GRIK3: variants seen among roughly 807,000 people sequenced by gnomAD.
The protein encoded by GRIK3 is glutamate ionotropic receptor kainate type subunit 3.
In GRIK3, 29 loss-of-function variants were observed where a neutral mutation model predicts 102.5. That is an observed-to-expected ratio of 0.28 (90% confidence interval 0.21 to 0.39). GRIK3 has a LOEUF of 0.39. Among genes scored for constraint, GRIK3 ranks in the 10% least tolerant of loss-of-function variants. The probability of loss-of-function intolerance (pLI) is 1.00; values close to 1 mark genes in which losing one functional copy is unlikely to be tolerated. For synonymous variants in GRIK3, 511 were observed against 504.9 expected, an observed-to-expected ratio of 1.01 and a Z score of -0.16; for missense variants, 908 against 1,252.4, an observed-to-expected ratio of 0.73 and a Z score of 4.15.
At position 36,912,172 on chromosome 1, in the gene GRIK3, C is replaced by T. The variant is rs114393157; in HGVS notation, c.116-21076G>A. On this transcript the variant is annotated intron_variant, in intron 1 of 15. Transcript: ENST00000373091. Reference sequence around the variant, plus strand: ...CTGGGTCACGCTTTTCTCTTCTGAGCCTTGTGCAACAGACATGATCCTCGT... The same window carrying T: ...CTGGGTCACGCTTTTCTCTTCTGAGTCTTGTGCAACAGACATGATCCTCGT... Among the ~76,000 whole-genome samples the T allele has an allele frequency of 2.8e-3, 426 of 152,212 alleles. 2 individuals carry two copies. Among genetic ancestry groups the T allele is most frequent in the African/African-American group, 9.3e-3 (386 of 41,514 alleles).
intron 1 of GRIK3, among the ~76,000 whole-genome samples, chr1:36,963,369 G>A (rs113776492): frequency 1.1e-4 from 16 of 152,164 alleles, no homozygotes; most frequent in East Asian, 1.9e-4. Flanking sequence ...CAGGCAGAAC[G>A]TGAGAGTCAC....
chr1:36,834,587 T>C (rs749368691), intron 10 of GRIK3, among the ~76,000 whole-genome samples: 1 of 152,168 alleles, frequency 6.6e-6, no homozygotes, highest in Non-Finnish European at 1.5e-5. Flanking sequence ...AGGATGGGTG[T>C]GCCTCTCCCA....
At chr1:36,831,695 G>A (rs547402992) in intron 10 of GRIK3, among the ~76,000 whole-genome samples, 6 of 152,324 alleles carry the variant, frequency 3.9e-5, no homozygotes, top group African/African-American at 1.4e-4. Context: ...TATGGCAACT[G>A]CGGGCCACAC....
At chr1:36,844,344 A>G (rs982286849) in intron 9 of GRIK3, among the ~76,000 whole-genome samples, 1 of 152,246 alleles carries the variant, frequency 6.6e-6, no homozygotes, top group African/African-American at 2.4e-5. Flanking sequence ...AGGTTGGAGA[A>G]GAGTCCACGT....
chr1:36,880,602 T>A lies in GRIK3; in HGVS notation c.550+32A>T. 6.2e-7 allele frequency: 1 copy of A among 1,608,212 alleles called. No individual in the cohort carries two copies. Among genetic ancestry groups the A allele is most frequent in the Non-Finnish European group, 8.5e-7 (1 of 1,175,230 alleles). ...CTGGGCCTCTGCCCCCCTCAACCGTTGCCCCCAGCCTAGCCAGGCCTGGCC... is the reference window on the plus strand; with the variant it reads ...CTGGGCCTCTGCCCCCCTCAACCGTAGCCCCCAGCCTAGCCAGGCCTGGCC... On this transcript the variant is annotated intron_variant, in intron 3 of 15. Transcript: ENST00000373091. This position sits in a 1 kb window ranked among gnomAD's most constrained non-coding sequence, Gnocchi z 5.4.
chr1:36,922,569 C>T (rs1329239948), intron 1 of GRIK3, among the ~76,000 whole-genome samples: 1 of 152,206 alleles, frequency 6.6e-6, no homozygotes, highest in Non-Finnish European at 1.5e-5. Flanking sequence ...CCAAGGTGAT[C>T]CAGATGTTTA....
intron 1 of GRIK3, among the ~76,000 whole-genome samples, chr1:36,955,264 C>T (rs933120694): frequency 6.6e-6 from 1 of 152,224 alleles, no homozygotes; most frequent in Non-Finnish European, 1.5e-5. Flanking sequence ...ATCAACCCTG[C>T]CAGCAGGACA....
chr1:36,823,212 G>A (rs1295585844), intron 11 of GRIK3, among the ~76,000 whole-genome samples: 1 of 152,126 alleles, frequency 6.6e-6, no homozygotes, highest in African/African-American at 2.4e-5. Flanking sequence ...GATGGCTCAC[G>A]CCTGTAATCC....
At chr1:37,017,826 G>T (rs1401772484) in intron 1 of GRIK3, among the ~76,000 whole-genome samples, 1 of 152,188 alleles carries the variant, frequency 6.6e-6, no homozygotes, top group Non-Finnish European at 1.5e-5. Context: ...GGAATTTAGA[G>T]TCTGCTCCTG....
chr1:36,903,580 A>T (rs1051808818), intron 1 of GRIK3, among the ~76,000 whole-genome samples: 3 of 152,256 alleles, frequency 2.0e-5, no homozygotes, highest in Non-Finnish European at 2.9e-5. Flanking sequence ...ATCCTTCAGT[A>T]GATGAGTGGA....
chr1:36,928,647 T>G (rs1263206602), intron 1 of GRIK3, among the ~76,000 whole-genome samples: 1 of 152,256 alleles, frequency 6.6e-6, no homozygotes, highest in Non-Finnish European at 1.5e-5. Context: ...TGGCCACACC[T>G]TGCCTTGCAA....
Position 36,819,764 on chromosome 1 carries a change from C to T in GRIK3, c.1845G>A (p.Trp615Ter). 1 of 1,600,614 alleles carries T rather than the reference C, an allele frequency of 6.2e-7. No homozygotes were observed. Residue 615 changes from tryptophan (W) to a stop codon, truncating the protein, a stop_gained, in exon 12 of 16, where the codon TGG becomes TGA. Transcript: ENST00000373091. LOFTEE classifies it high-confidence loss of function. The surrounding 1 kb of genome is among the most constrained non-coding windows in gnomAD (Gnocchi z 4.1). ...GCTGCATCAGGGATCCCATTCCAAA[C>T]CAGAAGCTGTTAAGCAGAGTGAAGT... ...ENNFTLLNSF[W>*]FGMGSLMQQG...
At chr1:36,882,130 T>C (rs902037516) in intron 2 of GRIK3, among the ~76,000 whole-genome samples, 27 of 152,120 alleles carry the variant, frequency 1.8e-4, no homozygotes, top group African/African-American at 6.5e-4. Flanking sequence ...CTGGAAGTCT[T>C]GTCCATTGGT....
intron 1 of GRIK3, among the ~76,000 whole-genome samples, chr1:36,920,459 A>G (rs966687942): frequency 5.3e-5 from 8 of 151,904 alleles, no homozygotes; most frequent in African/African-American, 1.9e-4. Context: ...CTGATCCAGA[A>G]TTTACCATCC....
At chr1:37,009,761 G>A (rs1276315253) in intron 1 of GRIK3, among the ~76,000 whole-genome samples, 1 of 152,178 alleles carries the variant, frequency 6.6e-6, no homozygotes. Flanking sequence ...ATAGCTAATG[G>A]TATGCAAATG....
intron 10 of GRIK3, among the ~76,000 whole-genome samples, chr1:36,828,994 C>T (rs976880302): frequency 1.3e-5 from 2 of 152,130 alleles, no homozygotes; most frequent in African/African-American, 4.8e-5. Context: ...TTAATGGGGT[C>T]AGGAGACCAA....
At chr1:36,983,927 C>T (rs773956045) in intron 1 of GRIK3, among the ~76,000 whole-genome samples, 20 of 152,148 alleles carry the variant, frequency 1.3e-4, no homozygotes, top group Non-Finnish European at 2.5e-4. Context: ...CCCACTGCTG[C>T]CCACCCATGG....
intron 1 of GRIK3, among the ~76,000 whole-genome samples, chr1:36,967,321 G>T (rs981617362): frequency 1.1e-4 from 16 of 152,246 alleles, no homozygotes; most frequent in African/African-American, 3.4e-4. Flanking sequence ...TCTCTGAAGT[G>T]CTTCTCACTC....
chr1:36,897,297 A>G (rs1641182615), intron 1 of GRIK3, among the ~76,000 whole-genome samples: 1 of 152,164 alleles, frequency 6.6e-6, no homozygotes, highest in African/African-American at 2.4e-5. Flanking sequence ...TGGCAAAGTA[A>G]CAGAATACAA....
Sources: allele counts gnomAD v4.1 joint callset (sites outside exome capture counted in the v4.1 genomes callset), GRCh38; gene constraint gnomAD v4.1.1; non-coding constraint Gnocchi (gnomAD v3.1); transcripts MANE v1.5; gene names NCBI Gene and HGNC (gene_info 2026-07-23, HGNC 2026-07-21).